XRCC4: variants seen among roughly 807,000 people sequenced by gnomAD.
The protein encoded by XRCC4 is DNA repair protein XRCC4.
XRCC4 carries 28 observed loss-of-function variants against 39.1 expected under a neutral mutation model. The observed-to-expected ratio is 0.72, with a 90% CI of 0.53 to 0.98. The LOEUF (loss-of-function observed/expected upper bound fraction) is 0.98. XRCC4 is among the 50% of genes least tolerant of loss of function. The pLI, the probability that XRCC4 is intolerant of heterozygous loss-of-function variation, is 0.00. For missense variants in XRCC4, 350 were observed against 376.4 expected, an observed-to-expected ratio of 0.93 and a Z score of 0.58; for synonymous variants, 123 against 126.4, an observed-to-expected ratio of 0.97 and a Z score of 0.18.
intron 4 of XRCC4, among the ~76,000 whole-genome samples, chr5:83,198,855 G>A (rs960696550): frequency 6.6e-6 from 1 of 152,110 alleles, no homozygotes; most frequent in South Asian, 2.1e-4. Flanking sequence ...ATTTTGTATA[G>A]TGTAGATAAA....
intron 6 of XRCC4, among the ~76,000 whole-genome samples, chr5:83,225,902 C>A (rs1394971703): frequency 2.0e-5 from 3 of 151,938 alleles, no homozygotes; most frequent in African/African-American, 7.2e-5. Flanking sequence ...CCTCTTTTTT[C>A]TTTGGTCAAG....
At chr5:83,306,950 A>G (rs1432976028) in intron 7 of XRCC4, among the ~76,000 whole-genome samples, 1 of 152,202 alleles carries the variant, frequency 6.6e-6, no homozygotes, top group East Asian at 1.9e-4. Context: ...TTCATTGTTC[A>G]ACTGTGGTCA....
At chr5:83,140,812 T>G (rs1255190820) in intron 3 of XRCC4, among the ~76,000 whole-genome samples, 1 of 152,210 alleles carries the variant, frequency 6.6e-6, no homozygotes, top group Non-Finnish European at 1.5e-5. Context: ...ATTGATTAAT[T>G]ATTTACTTTT....
intron 7 of XRCC4, among the ~76,000 whole-genome samples, chr5:83,334,651 C>T (rs1193251011): frequency 2.0e-5 from 3 of 150,502 alleles, no homozygotes; most frequent in African/African-American, 4.9e-5. Flanking sequence ...TATGTACATA[C>T]GTACATTATA....
chr5:83,223,826 C>G (rs984234908), intron 6 of XRCC4, among the ~76,000 whole-genome samples: 1 of 94,010 alleles, frequency 1.1e-5, no homozygotes, highest in Admixed American at 1.6e-4. Context: ...TGCTATCCCT[C>G]CCCCCTCCCC....
intron 7 of XRCC4, among the ~76,000 whole-genome samples, chr5:83,322,644 A>C (rs368287351): frequency 1.3e-5 from 2 of 152,326 alleles, no homozygotes; most frequent in Admixed American, 6.5e-5. Flanking sequence ...ATACAATTAC[A>C]TAGATCTTTA....
intron 4 of XRCC4, 105 bp downstream of exon 4, chr5:83,196,041 A>T: frequency 8.4e-7 from 1 of 1,185,214 alleles, no homozygotes; most frequent in South Asian, 2.3e-5. Context: ...GGATTAGCAC[A>T]TATATATTTA....
intron 7 of XRCC4, among the ~76,000 whole-genome samples, chr5:83,290,273 T>C (rs953291873): frequency 2.0e-5 from 3 of 151,814 alleles, no homozygotes; most frequent in Admixed American, 1.3e-4. Context: ...CTTCATATAA[T>C]AAATTTATTT....
intron 6 of XRCC4, among the ~76,000 whole-genome samples, chr5:83,231,674 T>C (rs1045363576): frequency 2.0e-5 from 3 of 152,124 alleles, no homozygotes; most frequent in Non-Finnish European, 4.4e-5. Context: ...TCATCAGTTA[T>C]TACTTTAATT....
chr5:83,288,908 TTATA>T (rs1183213957), intron 7 of XRCC4, among the ~76,000 whole-genome samples: 4 of 151,818 alleles, frequency 2.6e-5, no homozygotes, highest in Non-Finnish European at 5.9e-5. Flanking sequence ...GGTATTCTAA[TTATA>T]TATATACCTT....
chr5:83,172,462 A>G (rs1056102824), intron 3 of XRCC4, among the ~76,000 whole-genome samples: 3 of 152,174 alleles, frequency 2.0e-5, no homozygotes, highest in Admixed American at 1.3e-4. Flanking sequence ...CTCTCTGTTT[A>G]TAATTGAATT....
intron 2 of XRCC4, among the ~76,000 whole-genome samples, chr5:83,107,618 G>A (rs1358956996): frequency 1.3e-5 from 2 of 151,836 alleles, no homozygotes; most frequent in Non-Finnish European, 2.9e-5. Flanking sequence ...ACAGGGGTAA[G>A]TCACAAAGTG....
intron 3 of XRCC4, among the ~76,000 whole-genome samples, chr5:83,159,944 C>G (rs1157037687): frequency 6.6e-6 from 1 of 151,948 alleles, no homozygotes; most frequent in Non-Finnish European, 1.5e-5. Context: ...CTCTGAAATT[C>G]TGATTATAAA....
At chr5:83,177,515 A>G (rs1750015459) in intron 3 of XRCC4, among the ~76,000 whole-genome samples, 1 of 151,882 alleles carries the variant, frequency 6.6e-6, no homozygotes, top group South Asian at 2.1e-4. Flanking sequence ...GGCATTGAGA[A>G]ACGTGATGAA....
chr5:83,169,082 C>T (rs1749613951), intron 3 of XRCC4, among the ~76,000 whole-genome samples: 1 of 152,058 alleles, frequency 6.6e-6, no homozygotes, highest in Non-Finnish European at 1.5e-5. Context: ...CTGATGTGCT[C>T]AATCATTTTC....
intron 7 of XRCC4, among the ~76,000 whole-genome samples, chr5:83,271,716 C>T (rs1661984714): frequency 6.6e-6 from 1 of 152,198 alleles, no homozygotes; most frequent in South Asian, 2.1e-4. Context: ...ATTCCCCTCT[C>T]CTACATAAAA....
At chr5:83,111,738 C>T (rs960166894) in intron 3 of XRCC4, among the ~76,000 whole-genome samples, 2 of 152,060 alleles carry the variant, frequency 1.3e-5, no homozygotes, top group Non-Finnish European at 2.9e-5. Flanking sequence ...ACAAGAGTAT[C>T]TGCTACTTAT....
At chr5:83,093,880 T>C (rs1745545592) in intron 1 of XRCC4, among the ~76,000 whole-genome samples, 1 of 152,158 alleles carries the variant, frequency 6.6e-6, no homozygotes, top group African/African-American at 2.4e-5. Context: ...AAAGTCTTCT[T>C]GGTTGGCAGC....
At chr5:83,313,560 A>G (rs1755779576) in intron 7 of XRCC4, among the ~76,000 whole-genome samples, 1 of 152,072 alleles carries the variant, frequency 6.6e-6, no homozygotes, top group Non-Finnish European at 1.5e-5. Context: ...TACTGTGGAG[A>G]CATACTGCTC....
Sources: allele counts gnomAD v4.1 joint callset (sites outside exome capture counted in the v4.1 genomes callset), GRCh38; gene constraint gnomAD v4.1.1; transcripts MANE v1.5; gene names NCBI Gene and HGNC (gene_info 2026-07-23, HGNC 2026-07-21).